The following BPIFC variants were observed in gnomAD, a reference collection of about 807,000 sequenced individuals.
BPIFC encodes BPI fold containing family C.
A neutral mutation model predicts 57.6 loss-of-function variants in BPIFC; 60 were observed. That is an observed-to-expected ratio of 1.04 (90% CI 0.85 to 1.29). The LOEUF is 1.29. Ranked by LOEUF, BPIFC falls within the 50% of genes most tolerant of loss-of-function variation. The pLI is 0.00. For missense variants in BPIFC, 581 were observed against 600.5 expected (o/e 0.97, Z 0.34); for synonymous variants, 243 against 224.5 (o/e 1.08, Z -0.74).
chr22:32,415,938 T>C lies in BPIFC; in HGVS notation c.1378A>G (p.Asn460Asp), dbSNP rs1046159436. The C allele has an allele frequency of 6.3e-7, 1 of 1,593,530 alleles. No individual in the cohort carries two copies. The highest frequency in any genetic ancestry group is 8.5e-7 in the Non-Finnish European group (1 of 1,171,728). ...ACCTCAAGAACTTCAATATCTGAAT[T>C]GACGAATAAGAATTTGTGTGGATTG... Reference protein sequence around the residue: ...LSNPHKFLFVNSDIEVLEGFL... With the variant: ...LSNPHKFLFVDSDIEVLEGFL... Residue 460 changes from asparagine (N) to aspartate (D), a missense_variant, in exon 16 of 17, where the codon AAT (asparagine) becomes GAT (aspartate). Physicochemically the swap from Asn to Asp is conservative, Grantham distance 23. Transcript: ENST00000300399.
intron 4 of BPIFC, among the ~76,000 whole-genome samples, chr22:32,451,526 C>T (rs1174219453): frequency 1.3e-5 from 2 of 152,036 alleles, no homozygotes; most frequent in Non-Finnish European, 2.9e-5. Flanking sequence ...GGGAATATCA[C>T]ACACCGGGGC....
At chr22:32,451,862 T>G (rs1174940201) in intron 4 of BPIFC, among the ~76,000 whole-genome samples, 2 of 152,170 alleles carry the variant, frequency 1.3e-5, no homozygotes, top group African/African-American at 4.8e-5. Flanking sequence ...TCTCTCCCAC[T>G]GGACTTTAAG....
rs5998477 is a variant in BPIFC at position 32,414,524 on chromosome 22, A to C, written c.1402-99T>G. The C allele has an allele frequency of 9.1e-6, 13 of 1,421,868 alleles. 1 individual carries two copies. In the African/African-American group the frequency reaches 1.9e-4, roughly 21 times the overall value. The allele number at this position is 1,421,868 out of a possible 1,614,324, so 88.1% of individuals were successfully genotyped here. ...GATGGCTTCTTTTTTTTATTATTTT[A>C]ATTTTGAGATGGAGTCTCAAAGGCT... On this transcript the variant is annotated intron_variant, in intron 16 of 16. Coordinates refer to ENST00000300399, the MANE Select transcript of BPIFC (RefSeq NM_174932.3).
chr22:32,425,702 A>G (rs894560992), intron 13 of BPIFC, among the ~76,000 whole-genome samples: 2 of 152,114 alleles, frequency 1.3e-5, no homozygotes, highest in African/African-American at 4.8e-5. Context: ...TTTAAACCTT[A>G]CAACTCCGTG....
chr22:32,454,811 C>T (rs370695383), intron 3 of BPIFC, among the ~76,000 whole-genome samples: 45 of 152,228 alleles, frequency 3.0e-4, no homozygotes, highest in African/African-American at 8.4e-4. Flanking sequence ...CCCAACTTTG[C>T]CACTGAATAG....
chr22:32,462,189 A>AAG (rs1935179313), intron 1 of BPIFC, among the ~76,000 whole-genome samples: 1 of 143,850 alleles, frequency 7.0e-6, no homozygotes, highest in Non-Finnish European at 1.5e-5. Flanking sequence ...AAAAAAAAAA[A>AAG]AGAAAAAAGA....
At chr22:32,442,517 A>G (rs1207113132) in intron 8 of BPIFC, among the ~76,000 whole-genome samples, 154 bp downstream of exon 8, 1 of 152,180 alleles carries the variant, frequency 6.6e-6, no homozygotes, top group Non-Finnish European at 1.5e-5. Context: ...AGCACAAGGC[A>G]CATCCTCCCA....
At chr22:32,428,610 A>T (rs1465539079) in intron 13 of BPIFC, among the ~76,000 whole-genome samples, 2 of 149,554 alleles carry the variant, frequency 1.3e-5, no homozygotes, top group Non-Finnish European at 3.0e-5. Context: ...CAAACAAAAC[A>T]TTGTATTTCT....
rs1212109520 is a variant in BPIFC, at chr22:32,462,185, A to AG, written c.-88-525_-88-524insC. Among the ~76,000 whole-genome samples the AG allele has an allele frequency of 2.3e-4, 33 of 144,582 alleles. 1 individual carries two copies. In the East Asian group the frequency reaches 4.5e-3, roughly 20 times the overall value. 94.9% of individuals were successfully genotyped at this position (144,582 alleles called of 152,430 possible). On this transcript the variant is annotated intron_variant, in intron 1 of 16. Coordinates refer to ENST00000300399, the MANE Select transcript of BPIFC (RefSeq NM_174932.3). ...CTCCATCTCAAAAAAAAAAAAAAAA[A>AG]AAAAAGAAAAAAGAAAAAAAAGAAA...
intron 13 of BPIFC, among the ~76,000 whole-genome samples, chr22:32,424,603 C>T (rs9609544): frequency 0.098 from 3,779 of 38,584 alleles, 948 homozygotes; most frequent in African/African-American, 0.37. Context: ...TTCTTCTTCT[C>T]CTCCTCCTCC....
In BPIFC at chr22:32,422,770, A is replaced by G. The variant is rs368965090; in HGVS notation, c.1218-3366T>C. Among the ~76,000 whole-genome samples, 11 of 151,572 alleles carry G rather than the reference A, an allele frequency of 7.3e-5. No individual in the cohort carries two copies. The South Asian group carries it at 1.0e-3, about 14-fold the overall frequency. On this transcript the variant is annotated intron_variant, in intron 13 of 16. Coordinates refer to ENST00000300399, the MANE Select transcript of BPIFC (RefSeq NM_174932.3). ...GCGTAGGCTAGAGTTGTGTGTGTGT[A>G]TGTGTGTGTGTGAGCATGCATGTGT...
At chr22:32,416,807 A>G (rs1244750311) in intron 15 of BPIFC, among the ~76,000 whole-genome samples, 1 of 152,206 alleles carries the variant, frequency 6.6e-6, no homozygotes, top group East Asian at 1.9e-4. Context: ...CTGCCTAAGG[A>G]GCATGGTTTC....
chr22:32,446,052 T>C (rs1668063563), intron 5 of BPIFC, 56 bp from the exon 6 acceptor site: 1 of 1,586,456 alleles, frequency 6.3e-7, no homozygotes, highest in African/African-American at 1.3e-5. Context: ...AGATGGATCT[T>C]GTTTCTCTGA....
intron 3 of BPIFC, among the ~76,000 whole-genome samples, chr22:32,456,349 A>G (rs1490173474): frequency 6.6e-6 from 1 of 152,126 alleles, no homozygotes; most frequent in Non-Finnish European, 1.5e-5. Flanking sequence ...TACTAGCAGA[A>G]AAACAAGGAG....
rs371535232 is a variant in BPIFC, at chr22:32,433,721, G to A, written c.976C>T (p.Arg326Trp). 53 of 1,613,584 alleles carry A rather than the reference G, an allele frequency of 3.3e-5. No homozygotes were observed. Among genetic ancestry groups the A allele is most frequent in the Middle Eastern group, 1.6e-4 (1 of 6,084 alleles). The part of the protein sequence containing the change: ...NSQGLGNVLS[R>W]IAEIYILSQP... Reference sequence around the variant, plus strand: ...AGACTCAAACCCTGAGCACTTACCCGGGAGAGCACGTTGCCAAGGCCTTGA... The same window carrying A: ...AGACTCAAACCCTGAGCACTTACCCAGGAGAGCACGTTGCCAAGGCCTTGA... Residue 326 changes from arginine (R) to tryptophan (W), a missense_variant and splice_region_variant, in exon 11 of 17, where the codon CGG (arginine) becomes TGG (tryptophan). Physicochemically the swap from Arg to Trp is moderately radical, Grantham distance 101. Transcript: ENST00000300399.
At chr22:32,432,576 T>C (rs1464548603) in intron 11 of BPIFC, 33 bp from the exon 12 acceptor site, 2 of 1,605,494 alleles carry the variant, frequency 1.2e-6, no homozygotes. Context: ...ATAAAGATTG[T>C]GAGGCGTGAG....
chr22:32,414,413 T>A lies in BPIFC; in HGVS notation c.1414A>T (p.Ile472Phe). ...GTTTCATACTTCAGGTCGGTGGAAATCAAAAGGAAACCCTGGAAAGGATGT... is the reference window on the plus strand; with the variant it reads ...GTTTCATACTTCAGGTCGGTGGAAAACAAAAGGAAACCCTGGAAAGGATGT... ...DIEVLEGFLL[I>F]STDLKYETSS... Residue 472 changes from isoleucine (I) to phenylalanine (F), a missense_variant, in exon 17 of 17, where the codon ATT becomes TTT. Coordinates refer to ENST00000300399, the MANE Select transcript of BPIFC (RefSeq NM_174932.3). The A allele has an allele frequency of 6.2e-7, 1 of 1,613,612 alleles. No homozygotes were observed. Among genetic ancestry groups the A allele is most frequent in the South Asian group, 1.1e-5 (1 of 91,028 alleles).
intron 13 of BPIFC, among the ~76,000 whole-genome samples, chr22:32,427,250 T>C (rs933661596): frequency 3.0e-4 from 45 of 152,362 alleles, no homozygotes; most frequent in African/African-American, 1.0e-3. Context: ...AACGTGCTGT[T>C]GCTTACTAGT....
rs1933609921 is a variant in BPIFC, at chr22:32,414,399, C to A, written c.1428G>T (p.Leu476=). ...GCTGCTTTGAGGATGTTTCATACTT[C>A]AGGTCGGTGGAAATCAAAAGGAAAC... ...LEGFLLISTD[L]KYETSSKQQP... is the part of the protein sequence containing the mutation. The change falls in exon 17 of 17, where the codon CTG becomes CTT. Residue 476 remains leucine, a synonymous_variant. Coordinates refer to ENST00000300399, the MANE Select transcript of BPIFC (RefSeq NM_174932.3). 3 of 1,613,912 alleles carry A rather than the reference C, an allele frequency of 1.9e-6. No homozygotes were observed. The highest frequency in any genetic ancestry group is 2.5e-6 in the Non-Finnish European group (3 of 1,179,894).
Sources: gnomAD v4.1 joint callset for allele counts (sites outside exome capture counted in the v4.1 genomes callset) on GRCh38, gnomAD v4.1.1 for gene constraint, MANE v1.5 for transcripts, NCBI Gene and HGNC (gene_info 2026-07-23, HGNC 2026-07-21) for gene names.